WDR44: variants seen among roughly 807,000 people sequenced by gnomAD.
WDR44 encodes WD repeat-containing protein 44.
In WDR44, 9 loss-of-function variants were observed where a neutral mutation model predicts 65.7. The observed-to-expected ratio is 0.14, with a 90% CI of 0.08 to 0.24. WDR44 has a LOEUF of 0.24. Among genes scored for constraint, WDR44 ranks in the 10% least tolerant of loss-of-function variants. The pLI, the probability that WDR44 is intolerant of heterozygous loss-of-function variation, is 1.00. For synonymous variants in WDR44, 220 were observed against 235.2 expected (o/e 0.94, Z 0.59); for missense variants, 425 against 670.9 (o/e 0.63, Z 4.05).
intron 19 of WDR44, among the ~76,000 whole-genome samples, chrX:118,446,282 C>T (rs1362866657): frequency 9.1e-6 from 1 of 109,885 alleles, no homozygotes; most frequent in East Asian, 2.9e-4. Context: ...AAGACTCTGT[C>T]TAAAAATATA....
chrX:118,438,805 T>G lies in WDR44; in HGVS notation c.1974+1981T>G, dbSNP rs112725731. ...ACTTTCTGTTCAGCCATGTTTTTTT[T>G]TTTTTTTTTTTTTGAAGACAGTCTC... On this transcript the variant is annotated intron_variant, in intron 14 of 19. Transcript: ENST00000254029. Among the ~76,000 whole-genome samples the G allele has an allele frequency of 8.0e-4, 67 of 84,237 alleles. 2 individuals are homozygous for G. The highest frequency in any genetic ancestry group is 4.6e-3 in the African/African-American group (64 of 14,029). The allele number at this position is 84,237 out of a possible 115,157, so 73.1% of individuals were successfully genotyped here.
chrX:118,380,648 G>A (rs1458042988), intron 2 of WDR44, among the ~76,000 whole-genome samples: 1 of 111,783 alleles, frequency 8.9e-6, no homozygotes, highest in Admixed American at 9.6e-5. Flanking sequence ...TATAAAGGAA[G>A]GCTTGATATA....
rs1213083479 is a variant in WDR44, at chrX:118,438,797, G to GTT, written c.1974+1993_1974+1994dup. 2.2e-3 allele frequency among the ~76,000 whole-genome samples: 140 copies of GTT among 64,020 alleles called. 7 individuals are homozygous for GTT. The highest frequency in any genetic ancestry group is 6.1e-3 in the African/African-American group (107 of 17,622). The allele number at this position is 64,020 out of a possible 115,157, so 55.6% of individuals were successfully genotyped here. ...TTTATTAAACTTTCTGTTCAGCCAT[G>GTT]TTTTTTTTTTTTTTTTTTTTTGAAG... On this transcript the variant is annotated intron_variant, in intron 14 of 19. Transcript: ENST00000254029.
chrX:118,436,175 T>C (rs1463590125), intron 13 of WDR44, among the ~76,000 whole-genome samples: 3 of 112,357 alleles, frequency 2.7e-5, no homozygotes, highest in African/African-American at 9.7e-5. Context: ...GATTTGACAA[T>C]TTCTATTCTC....
At chrX:118,429,143 CCCTGGCACACGTTTAT>C (rs2057184788) in intron 12 of WDR44, among the ~76,000 whole-genome samples, 1 of 110,738 alleles carries the variant, frequency 9.0e-6, no homozygotes, top group South Asian at 3.9e-4. Flanking sequence ...CAGCAAACCA[CCCTGGCACACGTTTAT>C]GTAAGAAACC....
At chrX:118,361,485 G>A (rs1185934658) in intron 1 of WDR44, among the ~76,000 whole-genome samples, 1 of 112,273 alleles carries the variant, frequency 8.9e-6, no homozygotes, top group African/African-American at 3.2e-5. Flanking sequence ...GCTCATGCCT[G>A]TAATCCCGAG....
At chrX:118,349,414 A>G (rs987686343) in intron 1 of WDR44, among the ~76,000 whole-genome samples, 1 of 108,633 alleles carries the variant, frequency 9.2e-6, no homozygotes, top group Non-Finnish European at 1.9e-5. Context: ...GGGTCTTGCT[A>G]TGTTGCCCAG....
intron 2 of WDR44, among the ~76,000 whole-genome samples, chrX:118,385,289 G>A (rs1212942050): frequency 6.2e-5 from 7 of 112,341 alleles, no homozygotes; most frequent in African/African-American, 2.3e-4. Context: ...TAAAGAAAAT[G>A]TAGTACATAT....
intron 12 of WDR44, among the ~76,000 whole-genome samples, chrX:118,419,615 G>A (rs763001935): frequency 9.0e-6 from 1 of 111,584 alleles, no homozygotes; most frequent in African/African-American, 3.3e-5. Context: ...TCTTGCAGTC[G>A]ATCTGCAGCT....
intron 1 of WDR44, among the ~76,000 whole-genome samples, chrX:118,351,390 G>A (rs2056401378): frequency 8.9e-6 from 1 of 111,969 alleles, no homozygotes; most frequent in African/African-American, 3.2e-5. Context: ...TTACTTAGGT[G>A]TCAGAAACAT....
intron 2 of WDR44, chrX:118,386,352 T>G (rs763824560): frequency 2.8e-6 from 1 of 357,371 alleles, no homozygotes; most frequent in Non-Finnish European, 5.4e-6. Flanking sequence ...TTGTCTTATT[T>G]TACCCTAATT....
intron 1 of WDR44, among the ~76,000 whole-genome samples, chrX:118,350,901 G>A (rs889118759): frequency 9.0e-6 from 1 of 111,387 alleles, no homozygotes; most frequent in Admixed American, 9.6e-5. Context: ...GTCTGAGAGG[G>A]GAAGTGACAC....
At chrX:118,382,268 TAAG>T (rs1205814130) in intron 2 of WDR44, among the ~76,000 whole-genome samples, 1 of 111,542 alleles carries the variant, frequency 9.0e-6, no homozygotes, top group African/African-American at 3.3e-5. Context: ...GCTCGGGAAC[TAAG>T]AAAACTGGTG....
chrX:118,378,597 C>T lies in WDR44; in HGVS notation c.111+145C>T. On this transcript the variant is annotated intron_variant, in intron 2 of 19. Coordinates refer to ENST00000254029, the MANE Select transcript of WDR44 (RefSeq NM_019045.5). ...TAGTCATTATGTCCTACTTGGTATA[C>T]ATAGGTACTCTAGAAATACCTAACT... 5 of 451,406 alleles carry T rather than the reference C, an allele frequency of 1.1e-5. No individual in the cohort carries two copies. The South Asian group carries it at 2.2e-4, about 20-fold the overall frequency. The allele number at this position is 451,406 out of a possible 1,213,427, so 37.2% of individuals were successfully genotyped here. A position where few individuals can be genotyped will look rare whatever the true frequency, so the allele number is the denominator to read the frequency against.
intron 2 of WDR44, among the ~76,000 whole-genome samples, chrX:118,378,709 C>CGTGTGTGTGT (rs61698360): frequency 0.14 from 13,136 of 94,236 alleles, 966 homozygotes; most frequent in Admixed American, 0.24. Flanking sequence ...AATAAAAGAA[C>CGTGTGTGTGT]GTGTGTGTGT....
intron 2 of WDR44, among the ~76,000 whole-genome samples, 173 bp downstream of exon 2, chrX:118,378,625 A>G (rs1033321034): frequency 5.4e-5 from 6 of 110,819 alleles, no homozygotes; most frequent in African/African-American, 1.6e-4. Context: ...ACCTAACTAA[A>G]TATTATGCTG....
intron 12 of WDR44, among the ~76,000 whole-genome samples, chrX:118,420,506 G>GC (rs984909564): frequency 4.5e-5 from 5 of 111,276 alleles, no homozygotes; most frequent in Non-Finnish European, 9.4e-5. Context: ...TCCCACCTCG[G>GC]CCCCCCAAAG....
At chrX:118,417,094 G>A (rs2057064133) in intron 12 of WDR44, among the ~76,000 whole-genome samples, 1 of 111,974 alleles carries the variant, frequency 8.9e-6, no homozygotes, top group Non-Finnish European at 1.9e-5. Context: ...CCTGAAGACA[G>A]CAGATAGTTG....
At chrX:118,386,499 T>G in intron 2 of WDR44, 1 of 344,712 alleles carries the variant, frequency 2.9e-6, no homozygotes, top group Non-Finnish European at 5.5e-6. Context: ...TTCATAGTTT[T>G]TTTAGGGGCT....
Sources: allele counts gnomAD v4.1 joint callset (sites outside exome capture counted in the v4.1 genomes callset), GRCh38; gene constraint gnomAD v4.1.1; transcripts MANE v1.5; gene names NCBI Gene and HGNC (gene_info 2026-07-23, HGNC 2026-07-21).